TMEM97: variants seen among roughly 807,000 people sequenced by gnomAD.
The protein encoded by TMEM97 is transmembrane protein 97, also known as sigma intracellular receptor 2.
TMEM97 carries 13 observed loss-of-function variants against 18.3 expected under a neutral mutation model. The ratio of observed to expected loss-of-function variants is 0.71; its 90% confidence interval spans 0.46 to 1.13. The LOEUF is 1.13. Ranked by LOEUF, TMEM97 falls within the 50% of genes most tolerant of loss-of-function variation. The probability of loss-of-function intolerance (pLI) is 0.00; values close to 1 mark genes in which losing one functional copy is unlikely to be tolerated. For missense variants in TMEM97, 205 were observed against 210.5 expected (o/e 0.97, Z 0.16); for synonymous variants, 76 against 85.3 (o/e 0.89, Z 0.60).
chr17:28,319,243 G>A lies in TMEM97; in HGVS notation c.4G>A (p.Gly2Arg), dbSNP rs1441423797. 6.2e-7 allele frequency: 1 copy of A among 1,607,460 alleles called. No homozygotes were observed. The highest frequency in any genetic ancestry group is 8.5e-7 in the Non-Finnish European group (1 of 1,176,600). Residue 2 changes from glycine to arginine, a missense_variant, in exon 1 of 3, where the codon GGG becomes AGG. Coordinates refer to ENST00000226230, the MANE Select transcript of TMEM97 (RefSeq NM_014573.3). ...GTCCAGGCCCAACCGACAGACTATG[G>A]GGGCTCCGGCAACCAGGCGCTGCGT... Reference protein sequence around the residue: MGAPATRRCVEW... With the variant: MRAPATRRCVEW...
intron 1 of TMEM97, 141 bp downstream of exon 1, chr17:28,319,506 C>T: frequency 9.5e-7 from 1 of 1,054,212 alleles, no homozygotes; most frequent in Non-Finnish European, 1.3e-6. Context: ...CGCTCCTAAC[C>T]CAACTTTAGT....
intron 1 of TMEM97, among the ~76,000 whole-genome samples, chr17:28,321,521 T>G (rs1906139929): frequency 1.3e-5 from 2 of 152,172 alleles, no homozygotes; most frequent in Non-Finnish European, 2.9e-5. Context: ...TACCACAGCC[T>G]TGAACCTGAG....
At chr17:28,322,481 C>T (rs1414435965) in intron 1 of TMEM97, among the ~76,000 whole-genome samples, 2 of 151,976 alleles carry the variant, frequency 1.3e-5, no homozygotes, top group Non-Finnish European at 2.9e-5. Flanking sequence ...TGACCTCAAG[C>T]GATCTGCATG....
rs1291058611 is a variant in TMEM97 at position 28,327,557 on chromosome 17, TG to T, written c.*767del. The stretch of plus-strand genomic sequence containing the variant: ...CAGCAAAATGAATAGTGGGATATTT[TG>T]GGCCATTTTAAATGTGAAATTTTGC... On this transcript the variant is annotated 3_prime_UTR_variant, in exon 3 of 3. Coordinates refer to ENST00000226230, the MANE Select transcript of TMEM97 (RefSeq NM_014573.3). 13 of 152,374 alleles carry T rather than the reference TG, an allele frequency of 8.5e-5. No individual in the cohort carries two copies. Among genetic ancestry groups the T allele is most frequent in the African/African-American group, 3.1e-4 (13 of 41,590 alleles). 9.4% of individuals were successfully genotyped at this position (152,374 alleles called of 1,614,324 possible).
At position 28,327,061 on chromosome 17, in the gene TMEM97, G is replaced by A. The variant is rs1381549846; in HGVS notation, c.*268G>A. On this transcript the variant is annotated 3_prime_UTR_variant, in exon 3 of 3. Transcript: ENST00000226230. ...GCTCACTGCAACCTCCGCCTCCTGG[G>A]CTCAAGCCATCTTCCTTAGCCTCCC... 3 of 422,954 alleles carry A rather than the reference G, an allele frequency of 7.1e-6. No homozygotes were observed. Among genetic ancestry groups the A allele is most frequent in the Non-Finnish European group, 1.3e-5 (3 of 231,670 alleles). The allele number at this position is 422,954 out of a possible 1,614,324, so 26.2% of individuals were successfully genotyped here.
At chr17:28,322,964 A>G (rs1191027488) in intron 1 of TMEM97, among the ~76,000 whole-genome samples, 8 of 152,208 alleles carry the variant, frequency 5.3e-5, no homozygotes, top group African/African-American at 1.9e-4. Flanking sequence ...ATTACATTCA[A>G]TTAATCATTA....
intron 1 of TMEM97, among the ~76,000 whole-genome samples, chr17:28,323,471 C>T (rs1239965438): frequency 6.6e-6 from 1 of 151,734 alleles, no homozygotes; most frequent in East Asian, 1.9e-4. Flanking sequence ...CGCTCTGTCA[C>T]CCAGGCCGGA....
chr17:28,325,730 G>T, intron 2 of TMEM97, 83 bp downstream of exon 2: 1 of 1,571,088 alleles, frequency 6.4e-7, no homozygotes, highest in Non-Finnish European at 8.7e-7. Flanking sequence ...CAAAGGGAAG[G>T]GGATGGTCCC....
chr17:28,324,949 C>T (rs1017736665), intron 1 of TMEM97, among the ~76,000 whole-genome samples: 1 of 151,800 alleles, frequency 6.6e-6, no homozygotes, highest in African/African-American at 2.4e-5. Context: ...ATTTACTTCC[C>T]CTTTCACTCC....
At chr17:28,325,680 T>C in intron 2 of TMEM97, 33 bp downstream of exon 2, 1 of 1,613,428 alleles carries the variant, frequency 6.2e-7, no homozygotes, top group Non-Finnish European at 8.5e-7. Context: ...CCATTTTTAC[T>C]CAGAAATCAG....
At chr17:28,323,895 A>T (rs1452040974) in intron 1 of TMEM97, among the ~76,000 whole-genome samples, 5 of 152,154 alleles carry the variant, frequency 3.3e-5, no homozygotes, top group African/African-American at 1.2e-4. Context: ...CTACTGGGGA[A>T]GCTGAGGTGA....
In TMEM97 at chr17:28,326,552, G is replaced by A. The variant is rs782388057; in HGVS notation, c.290G>A (p.Arg97Gln). 6.8e-6 allele frequency: 11 copies of A among 1,613,376 alleles called. No homozygotes were observed. Among genetic ancestry groups the A allele is most frequent in the Admixed American group, 5.0e-5 (3 of 59,980 alleles). ...ACCTCAGGAAGCTGCAAGTGGATTC[G>A]AACTCCTGCAATCATCTACTCTGTT... ...AFLKGSCKWI[R>Q]TPAIIYSVHT... The change falls in exon 3 of 3, where the codon CGA (arginine) becomes CAA (glutamine). Residue 97 changes from arginine to glutamine, a missense_variant. Coordinates refer to ENST00000226230, the MANE Select transcript of TMEM97 (RefSeq NM_014573.3).
At chr17:28,321,049 A>G (rs541676133) in intron 1 of TMEM97, among the ~76,000 whole-genome samples, 5 of 152,338 alleles carry the variant, frequency 3.3e-5, no homozygotes, top group Non-Finnish European at 4.4e-5. Flanking sequence ...TTTGGGGGCC[A>G]TTATTCAGCC....
intron 1 of TMEM97, 35 bp downstream of exon 1, chr17:28,319,400 G>T (rs1555574685): frequency 7.2e-7 from 1 of 1,391,944 alleles, no homozygotes. Flanking sequence ...GCCCGCTGAG[G>T]CTCTCCCGGC....
intron 1 of TMEM97, among the ~76,000 whole-genome samples, chr17:28,320,378 T>A (rs535657477): frequency 7.2e-5 from 11 of 152,320 alleles, no homozygotes; most frequent in Admixed American, 2.6e-4. Context: ...GGCTCAAGAA[T>A]GTTCTACCAC....
In TMEM97 at chr17:28,319,207, C is replaced by T. The variant is rs1906029156; in HGVS notation, c.-33C>T. The T allele has an allele frequency of 6.4e-7, 1 of 1,564,152 alleles. No individual in the cohort carries two copies. Among genetic ancestry groups the T allele is most frequent in the African/African-American group, 1.4e-5 (1 of 72,544 alleles). ...GGCGCGCGGATTTGGCCCCTCTTCT[C>T]ACATCAGCGGGTCCAGGCCCAACCG... On this transcript the variant is annotated 5_prime_UTR_variant, in exon 1 of 3. Transcript: ENST00000226230.
Position 28,328,493 on chromosome 17 carries a change from C to T in TMEM97, c.*1700C>T, listed in dbSNP as rs1906475232. 9 of 643,118 alleles carry T rather than the reference C, an allele frequency of 1.4e-5. No homozygotes were observed. The highest frequency in any genetic ancestry group is 2.5e-5 in the Non-Finnish European group (9 of 358,456). 39.8% of individuals were successfully genotyped at this position (643,118 alleles called of 1,614,324 possible). On this transcript the variant is annotated 3_prime_UTR_variant, in exon 3 of 3. Coordinates refer to ENST00000226230, the MANE Select transcript of TMEM97 (RefSeq NM_014573.3). The stretch of plus-strand genomic sequence containing the variant: ...TGCACTGATGTTAAAACTGGCTCCC[C>T]CAGACTTGTAGTGCTGTCTTCAGGG...
Position 28,326,837 on chromosome 17 carries a change from T to C in TMEM97, c.*44T>C. 6.3e-6 allele frequency: 10 copies of C among 1,580,746 alleles called. No individual in the cohort carries two copies. The highest frequency in any genetic ancestry group is 8.5e-6 in the Non-Finnish European group (10 of 1,170,896). On this transcript the variant is annotated 3_prime_UTR_variant, in exon 3 of 3. Coordinates refer to ENST00000226230, the MANE Select transcript of TMEM97 (RefSeq NM_014573.3). ...CAGGGTAGAGATGCCTACAGGGTGGTTGCTTGTTGGATACAATACAAGGAA... is the reference window on the plus strand; with the variant it reads ...CAGGGTAGAGATGCCTACAGGGTGGCTGCTTGTTGGATACAATACAAGGAA...
At chr17:28,323,835 G>A (rs568900391) in intron 1 of TMEM97, among the ~76,000 whole-genome samples, 18 of 152,206 alleles carry the variant, frequency 1.2e-4, no homozygotes, top group East Asian at 3.9e-4. Flanking sequence ...GCAAAACCCC[G>A]TCTCTACAGA....
Sources: allele counts gnomAD v4.1 joint callset (sites outside exome capture counted in the v4.1 genomes callset), GRCh38; gene constraint gnomAD v4.1.1; transcripts MANE v1.5; gene names NCBI Gene and HGNC (gene_info 2026-07-23, HGNC 2026-07-21).